The following LINGO2 variants were observed in gnomAD, a reference collection of about 807,000 sequenced individuals.
LINGO2 encodes the protein leucine-rich repeat and immunoglobulin-like domain-containing nogo receptor-interacting protein 2.
LINGO2 carries 14 observed loss-of-function variants against 30.6 expected under a neutral mutation model. That is an observed-to-expected ratio of 0.46 (90% confidence interval 0.30 to 0.72). LINGO2 has a LOEUF of 0.72. Among genes scored for constraint, LINGO2 ranks in the 30% least tolerant of loss-of-function variants. LINGO2 has a pLI of 0.07. For missense variants in LINGO2, 729 were observed against 751.7 expected (o/e 0.97, Z 0.35); for synonymous variants, 317 against 288.5 (o/e 1.10, Z -1.00).
At chr9:29,003,458 G>A in the LINGO2 span, among the ~76,000 whole-genome samples, 1 of 151,870 alleles carries the variant, frequency 6.6e-6, no homozygotes, top group Non-Finnish European at 1.5e-5. Flanking sequence ...CAAGGAAACA[G>A]ACAGACCACT....
intron 4 of LINGO2, among the ~76,000 whole-genome samples, chr9:28,039,439 AAG>A (rs2132968417): frequency 6.6e-6 from 1 of 152,330 alleles, no homozygotes; most frequent in East Asian, 1.9e-4. Flanking sequence ...GTGGGAAGAC[AAG>A]AGGGAAAAAA....
chr9:28,696,328 C>T, the LINGO2 span, among the ~76,000 whole-genome samples: 5 of 151,884 alleles, frequency 3.3e-5, no homozygotes, highest in African/African-American at 1.2e-4. Context: ...AGAATGACTG[C>T]TGCTTGTGCT....
At chr9:28,686,535 T>C in the LINGO2 span, among the ~76,000 whole-genome samples, 1 of 152,036 alleles carries the variant, frequency 6.6e-6, no homozygotes, top group African/African-American at 2.4e-5. Context: ...TTTCATTTCA[T>C]AGAGTACAAT....
intron 2 of LINGO2, among the ~76,000 whole-genome samples, chr9:28,474,658 G>C (rs1413829526): frequency 6.6e-6 from 1 of 152,112 alleles, no homozygotes; most frequent in East Asian, 1.9e-4. Context: ...CAACAGGTTT[G>C]TTACTGTGTG....
chr9:29,011,448 G>A, the LINGO2 span, among the ~76,000 whole-genome samples: 1 of 151,994 alleles, frequency 6.6e-6, no homozygotes, highest in East Asian at 1.9e-4. Flanking sequence ...AACTCAGTTT[G>A]CCTCCATGAG....
the LINGO2 span, among the ~76,000 whole-genome samples, chr9:28,720,324 T>A: frequency 6.6e-6 from 1 of 152,130 alleles, no homozygotes; most frequent in African/African-American, 2.4e-5. Context: ...GAACTGTTTG[T>A]GCATAATTTG....
At chr9:28,985,808 C>A in the LINGO2 span, among the ~76,000 whole-genome samples, 1 of 152,020 alleles carries the variant, frequency 6.6e-6, no homozygotes, top group East Asian at 1.9e-4. Flanking sequence ...TCTCCCAATC[C>A]CTAAGTTTTT....
At chr9:28,900,134 A>G in the LINGO2 span, among the ~76,000 whole-genome samples, 4 of 151,886 alleles carry the variant, frequency 2.6e-5, no homozygotes, top group African/African-American at 9.7e-5. Flanking sequence ...CCAGGCCAGT[A>G]CCCACCATAC....
chr9:28,918,406 A>G, the LINGO2 span, among the ~76,000 whole-genome samples: 1 of 152,204 alleles, frequency 6.6e-6, no homozygotes, highest in African/African-American at 2.4e-5. Flanking sequence ...ACAGAGCCAA[A>G]CCATATCACA....
chr9:27,943,536 A>C (rs144189009), downstream of LINGO2: 32 of 152,174 alleles, frequency 2.1e-4, no homozygotes, highest in East Asian at 5.4e-3. Flanking sequence ...AGAATCACTC[A>C]ACCTGCAGAT....
chr9:28,808,174 A>T, the LINGO2 span, among the ~76,000 whole-genome samples: 7 of 152,316 alleles, frequency 4.6e-5, no homozygotes, highest in Admixed American at 1.3e-4. Context: ...AAAAGCTTTT[A>T]GAGCTAAATG....
At chr9:28,898,236 C>A in the LINGO2 span, among the ~76,000 whole-genome samples, 2 of 152,190 alleles carry the variant, frequency 1.3e-5, no homozygotes, top group South Asian at 2.1e-4. Flanking sequence ...AGACAATAGA[C>A]CAAATCACTA....
intron 4 of LINGO2, among the ~76,000 whole-genome samples, chr9:28,185,219 G>A (rs1166470056): frequency 6.6e-6 from 1 of 152,184 alleles, no homozygotes; most frequent in Non-Finnish European, 1.5e-5. Flanking sequence ...CAGTTCACCA[G>A]TGTGCAGACA....
At chr9:28,222,007 GA>G (rs1820983156) in intron 4 of LINGO2, among the ~76,000 whole-genome samples, 1 of 152,094 alleles carries the variant, frequency 6.6e-6, no homozygotes, top group Non-Finnish European at 1.5e-5. Flanking sequence ...TATCTTTTGT[GA>G]GATGTGCTAT....
At chr9:28,014,949 T>C (rs1317235321) in intron 4 of LINGO2, among the ~76,000 whole-genome samples, 1 of 152,146 alleles carries the variant, frequency 6.6e-6, no homozygotes, top group Admixed American at 6.6e-5. Flanking sequence ...AACATACCTC[T>C]AGTGCTTCAA....
intron 4 of LINGO2, among the ~76,000 whole-genome samples, chr9:28,263,243 C>A (rs1364771136): frequency 6.6e-6 from 1 of 151,930 alleles, no homozygotes; most frequent in Non-Finnish European, 1.5e-5. Flanking sequence ...TCCTCTAGAT[C>A]CTCTTTGAAA....
At chr9:28,956,146 G>A in the LINGO2 span, among the ~76,000 whole-genome samples, 1 of 152,008 alleles carries the variant, frequency 6.6e-6, no homozygotes, top group African/African-American at 2.4e-5. Flanking sequence ...ATAAGATTAG[G>A]TTTCATATCA....
At chr9:29,033,378 C>CTA in the LINGO2 span, among the ~76,000 whole-genome samples, 4,277 of 140,764 alleles carry the variant, frequency 0.03, 99 homozygotes, top group Middle Eastern at 0.065. Flanking sequence ...AACTGCTTTA[C>CTA]TATATATATA....
intron 2 of LINGO2, among the ~76,000 whole-genome samples, chr9:28,473,622 C>A (rs1003922475): frequency 7.2e-5 from 11 of 152,022 alleles, no homozygotes; most frequent in African/African-American, 2.4e-4. Context: ...TGTAGAGGCA[C>A]TGATTGAAGA....
Sources: gnomAD v4.1 joint callset for allele counts (sites outside exome capture counted in the v4.1 genomes callset) on GRCh38, gnomAD v4.1.1 for gene constraint, MANE v1.5 for transcripts, NCBI Gene and HGNC (gene_info 2026-07-23, HGNC 2026-07-21) for gene names.